GPC6: variants seen among roughly 807,000 people sequenced by gnomAD.
GPC6 encodes the protein glypican-6.
GPC6 carries 14 observed loss-of-function variants against 55.2 expected under a neutral mutation model. The ratio of observed to expected loss-of-function variants is 0.25; its 90% CI spans 0.17 to 0.40. The LOEUF (loss-of-function observed/expected upper bound fraction) is 0.40, where lower values mean the gene tolerates loss of function less well. GPC6 is among the 10% of genes least tolerant of loss of function. The pLI is 1.00. For missense variants in GPC6, 641 were observed against 708.5 expected, an observed-to-expected ratio of 0.90 and a Z score of 1.08; for synonymous variants, 278 against 259.6, an observed-to-expected ratio of 1.07 and a Z score of -0.68.
Position 93,888,468 on chromosome 13 carries a change from G to T in GPC6, c.711+57923G>T, listed in dbSNP as rs140141396. On this transcript the variant is annotated intron_variant, in intron 3 of 8. Transcript: ENST00000377047. ...GGAAAAAGGTCACTTGTGTCCAGGAGATTAAAACCAATATTAACTTCTACA... is the reference window on the plus strand; with the variant it reads ...GGAAAAAGGTCACTTGTGTCCAGGATATTAAAACCAATATTAACTTCTACA... Among the ~76,000 whole-genome samples the T allele has an allele frequency of 9.8e-3, 1,494 of 152,214 alleles. 10 individuals carry two copies. Among genetic ancestry groups the T allele is most frequent in the Non-Finnish European group, 0.016 (1,086 of 68,010 alleles).
At chr13:93,366,957 A>G (rs1881273218) in intron 1 of GPC6, among the ~76,000 whole-genome samples, 1 of 152,070 alleles carries the variant, frequency 6.6e-6, no homozygotes, top group African/African-American at 2.4e-5. Context: ...CATTCAGCAA[A>G]TATTGACTGT....
At chr13:94,108,088 G>T (rs1195843505) in intron 4 of GPC6, among the ~76,000 whole-genome samples, 3 of 152,042 alleles carry the variant, frequency 2.0e-5, no homozygotes, top group Non-Finnish European at 4.4e-5. Context: ...ACTTAAACAT[G>T]CATGTTTATA....
intron 3 of GPC6, among the ~76,000 whole-genome samples, chr13:93,990,959 A>AGG (rs1881275733): frequency 6.7e-6 from 1 of 149,726 alleles, no homozygotes; most frequent in Non-Finnish European, 1.5e-5. Context: ...GAAGGAAGGA[A>AGG]AGAAGGAAGG....
intron 1 of GPC6, among the ~76,000 whole-genome samples, chr13:93,507,577 G>A (rs1002995311): frequency 2.0e-5 from 3 of 152,156 alleles, no homozygotes; most frequent in African/African-American, 7.2e-5. Context: ...TAATGATATA[G>A]CCAGCAAATA....
chr13:93,892,336 G>A (rs778107049), intron 3 of GPC6, among the ~76,000 whole-genome samples: 6 of 152,190 alleles, frequency 3.9e-5, no homozygotes, highest in South Asian at 2.1e-4. Flanking sequence ...AAATGACAGC[G>A]CTTTGAAAAT....
chr13:94,187,935 CTGCCATTTTA>C (rs1889258688), intron 4 of GPC6: 1 of 152,202 alleles, frequency 6.6e-6, no homozygotes, highest in African/African-American at 2.4e-5. Context: ...GCCAGTGTCT[CTGCCATTTTA>C]TGGGGTACAT....
intron 3 of GPC6, among the ~76,000 whole-genome samples, chr13:93,984,109 G>T (rs1038622807): frequency 6.6e-6 from 1 of 152,094 alleles, no homozygotes; most frequent in African/African-American, 2.4e-5. Context: ...AGAGGCTCCT[G>T]CAGCTCAAAA....
intron 3 of GPC6, among the ~76,000 whole-genome samples, chr13:93,951,677 A>G (rs1457398913): frequency 6.6e-6 from 1 of 152,130 alleles, no homozygotes; most frequent in Non-Finnish European, 1.5e-5. Flanking sequence ...CCGTATAGTA[A>G]TGGTTATAAT....
intron 3 of GPC6, among the ~76,000 whole-genome samples, chr13:94,023,101 A>G (rs1882764021): frequency 6.6e-6 from 1 of 152,080 alleles, no homozygotes. Flanking sequence ...TTATTTCTAA[A>G]GAGGGATTGT....
At chr13:93,304,498 C>T (rs1412197358) in intron 1 of GPC6, among the ~76,000 whole-genome samples, 1 of 152,184 alleles carries the variant, frequency 6.6e-6, no homozygotes, top group African/African-American at 2.4e-5. Flanking sequence ...TTGGTTTTCC[C>T]CACTTTGATT....
At chr13:93,832,114 A>G (rs1368569832) in intron 3 of GPC6, among the ~76,000 whole-genome samples, 1 of 64,640 alleles carries the variant, frequency 1.5e-5, no homozygotes, top group Non-Finnish European at 2.8e-5. Context: ...AAAAAAAAAA[A>G]AAAAAAAAAT....
intron 6 of GPC6, among the ~76,000 whole-genome samples, chr13:94,372,626 G>T (rs1471468336): frequency 1.3e-5 from 2 of 151,360 alleles, no homozygotes; most frequent in Admixed American, 1.3e-4. Context: ...AGGCGGCAGC[G>T]AGGCTGGGGG....
intron 4 of GPC6, among the ~76,000 whole-genome samples, chr13:94,065,136 C>T (rs1206241776): frequency 2.0e-5 from 3 of 152,066 alleles, no homozygotes; most frequent in Non-Finnish European, 2.9e-5. Flanking sequence ...AGTAAATCCT[C>T]ACACGGCTTT....
chr13:94,269,107 C>A (rs532887886), intron 4 of GPC6, among the ~76,000 whole-genome samples: 1 of 152,208 alleles, frequency 6.6e-6, no homozygotes, highest in South Asian at 2.1e-4. Flanking sequence ...TGAAATACTG[C>A]ATGTACCACT....
At chr13:93,522,315 C>T (rs918536983) in intron 1 of GPC6, among the ~76,000 whole-genome samples, 1 of 152,142 alleles carries the variant, frequency 6.6e-6, no homozygotes, top group Middle Eastern at 3.4e-3. Context: ...AATCTCACCC[C>T]ATTCCGATTC....
intron 6 of GPC6, among the ~76,000 whole-genome samples, chr13:94,365,692 A>G (rs1397616618): frequency 1.3e-5 from 2 of 152,166 alleles, no homozygotes; most frequent in South Asian, 2.1e-4. Context: ...TACTTTTCCA[A>G]TGTGTGTACA....
chr13:93,346,085 T>C (rs1343399353), intron 1 of GPC6, among the ~76,000 whole-genome samples: 1 of 152,186 alleles, frequency 6.6e-6, no homozygotes, highest in African/African-American at 2.4e-5. Flanking sequence ...GTCACACAAA[T>C]GAAGCTGAAC....
intron 6 of GPC6, among the ~76,000 whole-genome samples, chr13:94,372,522 G>T (rs1296480563): frequency 6.6e-6 from 1 of 152,104 alleles, no homozygotes; most frequent in South Asian, 2.1e-4. Flanking sequence ...AAAAAACGGC[G>T]CACCACGAGA....
At chr13:94,021,671 A>G (rs1882700322) in intron 3 of GPC6, among the ~76,000 whole-genome samples, 1 of 151,954 alleles carries the variant, frequency 6.6e-6, no homozygotes, top group Non-Finnish European at 1.5e-5. Context: ...GATTTTTGTT[A>G]TTTTATTTAC....
Sources: allele counts gnomAD v4.1 joint callset (sites outside exome capture counted in the v4.1 genomes callset), GRCh38; gene constraint gnomAD v4.1.1; transcripts MANE v1.5; gene names NCBI Gene and HGNC (gene_info 2026-07-23, HGNC 2026-07-21).